TUSC3: variants seen among roughly 807,000 people sequenced by gnomAD.
The protein encoded by TUSC3 is tumor suppressor candidate 3, also known as dolichyl-diphosphooligosaccharide--protein glycosyltransferase subunit TUSC3.
A neutral mutation model predicts 44.8 loss-of-function variants in TUSC3; 45 were observed. The ratio of observed to expected loss-of-function variants is 1.00; its 90% confidence interval spans 0.79 to 1.29. TUSC3 has a LOEUF of 1.29. TUSC3 is among the 50% of genes most tolerant of loss of function. TUSC3 has a pLI of 0.00. For missense variants in TUSC3, 519 were observed against 437.9 expected (o/e 1.19, Z -1.65); for synonymous variants, 212 against 152.9 (o/e 1.39, Z -2.85).
chr8:15,595,044 G>A (rs995914308), intron 1 of TUSC3, among the ~76,000 whole-genome samples: 1 of 152,058 alleles, frequency 6.6e-6, no homozygotes, highest in African/African-American at 2.4e-5. Context: ...GTTTCTAAGG[G>A]GGACTGGAAC....
chr8:15,837,446 G>T, the TUSC3 span, among the ~76,000 whole-genome samples: 1 of 151,946 alleles, frequency 6.6e-6, no homozygotes, highest in South Asian at 2.1e-4. Flanking sequence ...CCTTTCTTCT[G>T]TATCTATCAT....
chr8:15,781,546 C>G, the TUSC3 span, among the ~76,000 whole-genome samples: 1 of 152,000 alleles, frequency 6.6e-6, no homozygotes, highest in Non-Finnish European at 1.5e-5. Flanking sequence ...CAACAGAAAC[C>G]TTGCAGGCCA....
intron 10 of TUSC3, among the ~76,000 whole-genome samples, chr8:15,761,897 T>C (rs1812181729): frequency 6.6e-6 from 1 of 152,086 alleles, no homozygotes; most frequent in African/African-American, 2.4e-5. Context: ...ATTATACTGT[T>C]AGATTAAGAA....
chr8:15,511,269 G>GAGGA (rs1563270391), intron 2 of TUSC3, among the ~76,000 whole-genome samples: 2 of 152,104 alleles, frequency 1.3e-5, no homozygotes, highest in East Asian at 3.9e-4. Flanking sequence ...AGAAAGGAAG[G>GAGGA]AGGAAGGAAG....
chr8:15,445,797 C>T (rs569329233), intron 1 of TUSC3, among the ~76,000 whole-genome samples: 2 of 152,260 alleles, frequency 1.3e-5, no homozygotes, highest in Non-Finnish European at 2.9e-5. Context: ...AAACCACCAT[C>T]GTCATCATGG....
chr8:15,498,341 C>A (rs1036979217), intron 2 of TUSC3, among the ~76,000 whole-genome samples: 1 of 152,072 alleles, frequency 6.6e-6, no homozygotes, highest in Non-Finnish European at 1.5e-5. Context: ...ATGTAGGAAG[C>A]AAGTGCAAAA....
intron 3 of TUSC3, 52 bp downstream of exon 3, chr8:15,650,866 A>G: frequency 6.4e-7 from 1 of 1,568,522 alleles, no homozygotes; most frequent in Non-Finnish European, 8.8e-7. Context: ...TGTGGTCGAT[A>G]CATTTTTGTT....
chr8:15,782,992 A>T, the TUSC3 span, among the ~76,000 whole-genome samples: 1 of 152,246 alleles, frequency 6.6e-6, no homozygotes, highest in Non-Finnish European at 1.5e-5. Flanking sequence ...AAAAACCGTT[A>T]TAACTAATAA....
At chr8:15,746,920 GTTTTT>G (rs1008160749) in intron 8 of TUSC3, among the ~76,000 whole-genome samples, 2 of 151,628 alleles carry the variant, frequency 1.3e-5, no homozygotes, top group Admixed American at 6.6e-5. Flanking sequence ...TTTCAAAAAT[GTTTTT>G]TTTATTTTAT....
chr8:15,615,620 A>G (rs1045232222), intron 1 of TUSC3, among the ~76,000 whole-genome samples: 3 of 152,198 alleles, frequency 2.0e-5, no homozygotes, highest in African/African-American at 7.2e-5. Context: ...AGAGGATTTC[A>G]GATGTTCACA....
chr8:15,751,677 C>A (rs1224718836), intron 9 of TUSC3, among the ~76,000 whole-genome samples: 2 of 130,316 alleles, frequency 1.5e-5, no homozygotes, highest in Non-Finnish European at 3.5e-5. Flanking sequence ...AAGCCAAATA[C>A]AATGACAAGT....
chr8:15,578,349 A>G (rs1184043462), intron 1 of TUSC3, among the ~76,000 whole-genome samples: 3 of 124,218 alleles, frequency 2.4e-5, no homozygotes, highest in Non-Finnish European at 1.6e-5. Context: ...TTCCAACACT[A>G]TGTTGAATAG....
chr8:15,662,054 G>A, intron 4 of TUSC3, 102 bp from the exon 5 acceptor site: 1 of 1,339,166 alleles, frequency 7.5e-7, no homozygotes, highest in Middle Eastern at 1.9e-4. Flanking sequence ...TGGGTGGCAT[G>A]TTTCTGAGTT....
rs553600835 is a variant in TUSC3, at chr8:15,589,244, A to G, written c.139-33836A>G. On this transcript the variant is annotated intron_variant, in intron 1 of 10. Coordinates refer to ENST00000503731, the MANE Select transcript of TUSC3 (RefSeq NM_006765.4). ...TTTTTTGTAGGCAGCATACGTCCAG[A>G]TCTTGTGTTTTTAATCCATTTATCC... Among the ~76,000 whole-genome samples the G allele has an allele frequency of 1.2e-4, 19 of 152,208 alleles. 1 individual carries two copies. In the Middle Eastern group the frequency reaches 0.01, roughly 82 times the overall value.
chr8:15,551,043 G>T (rs1802045078), intron 1 of TUSC3, among the ~76,000 whole-genome samples: 1 of 151,716 alleles, frequency 6.6e-6, no homozygotes, highest in African/African-American at 2.4e-5. Context: ...TTTAAACTCT[G>T]TGTTCTTGGG....
the TUSC3 span, among the ~76,000 whole-genome samples, chr8:15,790,245 G>A: frequency 9.2e-5 from 13 of 141,082 alleles, no homozygotes; most frequent in Non-Finnish European, 1.5e-4. Context: ...GAGTGCAGTG[G>A]CGTGATTTTG....
intron 1 of TUSC3, among the ~76,000 whole-genome samples, chr8:15,573,202 C>CTCTATATATATA (rs1435847916): frequency 1.9e-4 from 14 of 74,178 alleles, no homozygotes; most frequent in African/African-American, 4.8e-4. Context: ...CTCTCTCTCT[C>CTCTATATATATA]TATATATATA....
chr8:15,608,262 CTT>C, intron 1 of TUSC3, among the ~76,000 whole-genome samples: 1 of 152,136 alleles, frequency 6.6e-6, no homozygotes, highest in East Asian at 1.9e-4. Flanking sequence ...AGGTTCCTCT[CTT>C]TTCCATGAGT....
At chr8:15,511,006 T>C (rs1801127640) in intron 2 of TUSC3, among the ~76,000 whole-genome samples, 1 of 152,238 alleles carries the variant, frequency 6.6e-6, no homozygotes, top group South Asian at 2.1e-4. Context: ...GAAAAATGTT[T>C]TGGAAAATTC....
Sources: gnomAD v4.1 joint callset for allele counts (sites outside exome capture counted in the v4.1 genomes callset) on GRCh38, gnomAD v4.1.1 for gene constraint, MANE v1.5 for transcripts, NCBI Gene and HGNC (gene_info 2026-07-23, HGNC 2026-07-21) for gene names.